GHR: variants seen among roughly 807,000 people sequenced by gnomAD.
The protein encoded by GHR is GH receptor.
GHR carries 35 observed loss-of-function variants against 67.1 expected under a neutral mutation model. That is an observed-to-expected ratio of 0.52 (90% CI 0.40 to 0.69). The LOEUF is 0.69. Among genes scored for constraint, GHR ranks in the 30% least tolerant of loss-of-function variants. GHR has a pLI of 0.00. For missense variants in GHR, 792 were observed against 764.6 expected, an observed-to-expected ratio of 1.04 and a Z score of -0.42; for synonymous variants, 272 against 269.1, an observed-to-expected ratio of 1.01 and a Z score of -0.10.
chr5:42,514,357 A>T (rs1747150743), intron 1 of GHR: 1 of 978,052 alleles, frequency 1.0e-6, no homozygotes. Flanking sequence ...TGCTCCTCTG[A>T]TAACCAGGTC....
intron 2 of GHR, among the ~76,000 whole-genome samples, chr5:42,612,899 C>T (rs1045555235): frequency 6.6e-6 from 1 of 152,072 alleles, no homozygotes; most frequent in Non-Finnish European, 1.5e-5. Flanking sequence ...GCCTAACAAG[C>T]ATGCAGCATA....
chr5:42,474,315 A>AAGAAAGAAAGAAAGAAAGAAAG (rs1745179669), intron 1 of GHR, among the ~76,000 whole-genome samples: 4 of 139,974 alleles, frequency 2.9e-5, no homozygotes, highest in Non-Finnish European at 4.7e-5. Flanking sequence ...GAAAGAAAGA[A>AAGAAAGAAAGAAAGAAAGAAAG]AGAAAGAAAG....
chr5:42,582,983 A>G (rs974757109), intron 2 of GHR, among the ~76,000 whole-genome samples: 11 of 152,302 alleles, frequency 7.2e-5, no homozygotes, highest in Admixed American at 4.6e-4. Context: ...CTTGGCAGGC[A>G]TGGGGTCCAG....
intron 3 of GHR, among the ~76,000 whole-genome samples, chr5:42,688,227 C>T (rs772697562): frequency 6.6e-6 from 1 of 152,242 alleles, no homozygotes; most frequent in Non-Finnish European, 1.5e-5. Flanking sequence ...GATGTCATCA[C>T]AACTGTCTAT....
chr5:42,488,768 C>T (rs748882251), intron 1 of GHR, among the ~76,000 whole-genome samples: 8 of 152,160 alleles, frequency 5.3e-5, no homozygotes, highest in Non-Finnish European at 1.0e-4. Flanking sequence ...ACATACTTGA[C>T]CCAGAGAAGT....
chr5:42,646,332 G>A (rs1257365475), intron 3 of GHR: 2 of 454,648 alleles, frequency 4.4e-6, no homozygotes, highest in South Asian at 1.6e-5. Flanking sequence ...CTCTTTGCAG[G>A]ATGGGGTCCA....
chr5:42,581,370 A>G (rs1751160729), intron 2 of GHR, among the ~76,000 whole-genome samples: 1 of 152,194 alleles, frequency 6.6e-6, no homozygotes, highest in South Asian at 2.1e-4. Flanking sequence ...TCTGTTATGG[A>G]ATTGTGAAAA....
At chr5:42,554,688 T>G (rs1749214649) in intron 1 of GHR, among the ~76,000 whole-genome samples, 1 of 152,098 alleles carries the variant, frequency 6.6e-6, no homozygotes, top group South Asian at 2.1e-4. Flanking sequence ...GAAATGGAAC[T>G]AGTTTCAACT....
intron 1 of GHR, among the ~76,000 whole-genome samples, chr5:42,527,822 G>C (rs1747775296): frequency 1.3e-5 from 2 of 152,138 alleles, no homozygotes; most frequent in Non-Finnish European, 2.9e-5. Flanking sequence ...ACAATCCTCA[G>C]CAAATGCAAA....
At chr5:42,671,983 A>C (rs1756339209) in intron 3 of GHR, among the ~76,000 whole-genome samples, 1 of 150,090 alleles carries the variant, frequency 6.7e-6, no homozygotes, top group Non-Finnish European at 1.5e-5. Flanking sequence ...GAAACTAGGC[A>C]TTGAAGGAAT....
intron 2 of GHR, among the ~76,000 whole-genome samples, chr5:42,578,501 T>C (rs1345797862): frequency 6.6e-6 from 1 of 152,160 alleles, no homozygotes; most frequent in Non-Finnish European, 1.5e-5. Context: ...AGAGAGATCA[T>C]GTCAGATGTG....
At chr5:42,701,625 T>G (rs1029894087) in intron 6 of GHR, among the ~76,000 whole-genome samples, 2 of 152,160 alleles carry the variant, frequency 1.3e-5, no homozygotes, top group African/African-American at 4.8e-5. Flanking sequence ...GAAAAACAAC[T>G]GACAGTATTT....
chr5:42,517,061 A>G (rs1326118435), intron 1 of GHR, among the ~76,000 whole-genome samples: 1 of 152,236 alleles, frequency 6.6e-6, no homozygotes, highest in Non-Finnish European at 1.5e-5. Context: ...TTAGTTTGGC[A>G]TGTAACAGCT....
At chr5:42,496,438 A>T (rs1002540861) in intron 1 of GHR, among the ~76,000 whole-genome samples, 2 of 152,062 alleles carry the variant, frequency 1.3e-5, no homozygotes, top group African/African-American at 4.8e-5. Flanking sequence ...TTAAGGCTGG[A>T]TATAGCATGT....
At chr5:42,678,912 G>A (rs761877296) in intron 3 of GHR, among the ~76,000 whole-genome samples, 1 of 149,474 alleles carries the variant, frequency 6.7e-6, no homozygotes. Flanking sequence ...ATAAGTATGT[G>A]AGAACATTTT....
chr5:42,576,132 AT>A (rs1269674561), intron 2 of GHR, among the ~76,000 whole-genome samples: 1 of 97,608 alleles, frequency 1.0e-5, no homozygotes, highest in African/African-American at 4.1e-5. Context: ...ATAAAATAAA[AT>A]AAAATAAAAT....
chr5:42,474,287 A>AAAGAAAG (rs1745158244), intron 1 of GHR, among the ~76,000 whole-genome samples: 1 of 26,594 alleles, frequency 3.8e-5, no homozygotes, highest in African/African-American at 1.6e-4. Context: ...AAGAAAGAAA[A>AAAGAAAG]AGAGAAAGAG....
chr5:42,593,345 G>A (rs923238060), intron 2 of GHR, among the ~76,000 whole-genome samples: 1 of 152,164 alleles, frequency 6.6e-6, no homozygotes, highest in African/African-American at 2.4e-5. Flanking sequence ...CTAAGGATGT[G>A]GGGCATTAGG....
intron 1 of GHR, among the ~76,000 whole-genome samples, chr5:42,444,550 T>C (rs1255318475): frequency 1.3e-5 from 2 of 152,176 alleles, no homozygotes; most frequent in African/African-American, 4.8e-5. Context: ...ATTTTGACAA[T>C]GCCCTCAAAA....
Sources: gnomAD v4.1 joint callset for allele counts (sites outside exome capture counted in the v4.1 genomes callset) on GRCh38, gnomAD v4.1.1 for gene constraint, MANE v1.5 for transcripts, NCBI Gene and HGNC (gene_info 2026-07-23, HGNC 2026-07-21) for gene names.